TTC12: variants seen among roughly 807,000 people sequenced by gnomAD.
TTC12 encodes tetratricopeptide repeat domain 12.
A neutral mutation model predicts 90.1 loss-of-function variants in TTC12; 70 were observed. The ratio of observed to expected loss-of-function variants is 0.78; its 90% CI spans 0.64 to 0.95. TTC12 has a LOEUF of 0.95. Ranked by LOEUF, TTC12 falls within the 40% of genes least tolerant of loss-of-function variation. TTC12 has a pLI of 0.00. For missense variants in TTC12, 819 were observed against 846.1 expected, an observed-to-expected ratio of 0.97 and a Z score of 0.40; for synonymous variants, 296 against 311.5, an observed-to-expected ratio of 0.95 and a Z score of 0.53.
rs1555154075 is a variant in TTC12 at position 113,359,920 on chromosome 11, G to T, written c.1546-20G>T. 3.2e-6 allele frequency: 5 copies of T among 1,575,968 alleles called. No individual in the cohort carries two copies. In the Admixed American group the frequency reaches 7.4e-5, roughly 23 times the overall value. On this transcript the variant is annotated intron_variant, in intron 17 of 21. Transcript: ENST00000529221. ...GTCAGAAAATTAAAATCTCCTGCTG[G>T]CCTCTCCCCATTGTTGTAGGTTTGG...
chr11:113,372,453 A>T (rs542023361), intron 21 of TTC12, among the ~76,000 whole-genome samples: 2 of 152,218 alleles, frequency 1.3e-5, no homozygotes, highest in South Asian at 4.1e-4. Flanking sequence ...GGGCAAACTC[A>T]TTTGCTTAGT....
At chr11:113,318,166 T>C (rs75929910) in intron 2 of TTC12, among the ~76,000 whole-genome samples, 3,379 of 152,358 alleles carry the variant, frequency 0.022, 109 homozygotes, top group African/African-American at 0.076. Flanking sequence ...ATTATTCTTT[T>C]CATGGTATTA....
At chr11:113,328,119 T>C (rs1458695211) in intron 6 of TTC12, among the ~76,000 whole-genome samples, 1 of 152,182 alleles carries the variant, frequency 6.6e-6, no homozygotes, top group African/African-American at 2.4e-5. Flanking sequence ...ATCCTATGTG[T>C]AGTACTGGCT....
At chr11:113,348,913 C>T (rs1949115673) in intron 13 of TTC12, among the ~76,000 whole-genome samples, 1 of 152,206 alleles carries the variant, frequency 6.6e-6, no homozygotes, top group Admixed American at 6.5e-5. Context: ...AACTGCATGC[C>T]AGCAGTCCCC....
At chr11:113,317,711 G>C (rs1947031498) in intron 2 of TTC12, among the ~76,000 whole-genome samples, 1 of 152,012 alleles carries the variant, frequency 6.6e-6, no homozygotes, top group African/African-American at 2.4e-5. Context: ...CCTCACGCTT[G>C]AGCAGCAATA....
At chr11:113,351,202 A>T in intron 14 of TTC12, 37 bp from the exon 15 acceptor site, 1 of 1,589,610 alleles carries the variant, frequency 6.3e-7, no homozygotes, top group Non-Finnish European at 8.6e-7. Flanking sequence ...AGTTTATGCA[A>T]TGTAAAAATA....
chr11:113,339,603 G>A (rs1948573277), intron 10 of TTC12, 129 bp downstream of exon 10: 2 of 860,352 alleles, frequency 2.3e-6, no homozygotes, highest in South Asian at 2.0e-5. Context: ...ATACGCTAAT[G>A]TAGCTGCTAA....
At position 113,348,786 on chromosome 11, in the gene TTC12, G is replaced by A. The variant is rs114140364; in HGVS notation, c.1155-1287G>A. Among the ~76,000 whole-genome samples the A allele has an allele frequency of 6.1e-3, 930 of 152,320 alleles. 12 individuals carry two copies. The highest frequency in any genetic ancestry group is 0.021 in the African/African-American group (892 of 41,572). ...CCCCCACCACCAACCACACATTGGA[G>A]AACAGGGGCCAACAGGGCAAAGTAC... On this transcript the variant is annotated intron_variant, in intron 13 of 21. Transcript: ENST00000529221.
chr11:113,352,789 T>G (rs189709049), intron 16 of TTC12, among the ~76,000 whole-genome samples: 24 of 152,356 alleles, frequency 1.6e-4, no homozygotes, highest in African/African-American at 4.3e-4. Flanking sequence ...AATCTCTTTC[T>G]TTTTTATGGC....
intron 4 of TTC12, 34 bp downstream of exon 4, chr11:113,324,049 CT>C: frequency 1.3e-6 from 2 of 1,579,202 alleles, no homozygotes; most frequent in Non-Finnish European, 8.7e-7. Context: ...AATTTTCATT[CT>C]TTATATAGGA....
chr11:113,365,451 A>AC, intron 21 of TTC12: 1 of 219,616 alleles, frequency 4.6e-6, no homozygotes, highest in South Asian at 8.3e-5. Context: ...CCAGAAACAG[A>AC]CCCCCCACTT....
chr11:113,322,550 T>C (rs1194149909), intron 2 of TTC12, among the ~76,000 whole-genome samples: 1 of 152,174 alleles, frequency 6.6e-6, no homozygotes, highest in African/African-American at 2.4e-5. Flanking sequence ...CAGGTTTAGA[T>C]TGCAAACTGT....
chr11:113,358,126 A>G (rs1009679416), intron 16 of TTC12, among the ~76,000 whole-genome samples: 1 of 152,224 alleles, frequency 6.6e-6, no homozygotes, highest in Admixed American at 6.5e-5. Context: ...GCTATACTCT[A>G]TGCCATGCTA....
At chr11:113,363,978 C>A in intron 20 of TTC12, 51 bp downstream of exon 20, 1 of 1,288,452 alleles carries the variant, frequency 7.8e-7, no homozygotes. Context: ...TTCATCCACC[C>A]TTGAAGCTGC....
chr11:113,341,342 A>C (rs1948668905), intron 11 of TTC12, among the ~76,000 whole-genome samples: 1 of 152,200 alleles, frequency 6.6e-6, no homozygotes, highest in Non-Finnish European at 1.5e-5. Flanking sequence ...AGTTTTTGCC[A>C]GGTTGTCATT....
chr11:113,355,814 G>C (rs1193926011), intron 16 of TTC12, among the ~76,000 whole-genome samples: 1 of 152,136 alleles, frequency 6.6e-6, no homozygotes, highest in Non-Finnish European at 1.5e-5. Context: ...CAAATTGAGT[G>C]TTAAGATTTC....
downstream of TTC12, among the ~76,000 whole-genome samples, chr11:113,370,426 C>G (rs915106035): frequency 6.6e-6 from 1 of 152,250 alleles, no homozygotes. Flanking sequence ...TTGCCCACCA[C>G]CTCCTCCAGC....
chr11:113,353,763 A>T (rs1555151405), intron 16 of TTC12, among the ~76,000 whole-genome samples: 2 of 152,132 alleles, frequency 1.3e-5, no homozygotes, highest in African/African-American at 4.8e-5. Flanking sequence ...ATTGAAGATC[A>T]GATAGTTTTA....
chr11:113,325,455 G>T, intron 5 of TTC12, 69 bp from the exon 6 acceptor site: 1 of 1,576,168 alleles, frequency 6.3e-7, no homozygotes, highest in South Asian at 1.2e-5. Flanking sequence ...TGGAAAATCG[G>T]GGGAATAAAG....
Sources: gnomAD v4.1 joint callset for allele counts (sites outside exome capture counted in the v4.1 genomes callset) on GRCh38, gnomAD v4.1.1 for gene constraint, MANE v1.5 for transcripts, NCBI Gene and HGNC (gene_info 2026-07-23, HGNC 2026-07-21) for gene names.